Variants in PDE4D observed in about 807,000 individuals in gnomAD.
PDE4D encodes the protein phosphodiesterase 4D, also known as 3',5'-cyclic-AMP phosphodiesterase 4D.
Under a neutral mutation model 87.4 loss-of-function variants are expected in PDE4D, and 24 were observed. The ratio of observed to expected loss-of-function variants is 0.27; its 90% CI spans 0.20 to 0.39. The LOEUF (loss-of-function observed/expected upper bound fraction) is 0.39. PDE4D is among the 10% of genes least tolerant of loss of function. The pLI, the probability that PDE4D is intolerant of heterozygous loss-of-function variation, is 1.00. For synonymous variants in PDE4D, 384 were observed against 383.2 expected (o/e 1.00, Z -0.02); for missense variants, 714 against 1,041.0 (o/e 0.69, Z 4.32).
At position 59,018,674 on chromosome 5, in the gene PDE4D, C is replaced by T. The variant is rs561881859; in HGVS notation, c.921+20185G>A. ...TTTGGTGTACTAAGAAAACACATCA[C>T]GCAGATGGCTTTTATAGCTTCCCAA... On this transcript the variant is annotated intron_variant, in intron 6 of 14. Transcript: ENST00000340635. 8.5e-5 allele frequency among the ~76,000 whole-genome samples: 13 copies of T among 152,270 alleles called. No homozygotes were observed. In the South Asian group the frequency reaches 1.2e-3, roughly 15 times the overall value.
chr5:60,382,316 G>T (rs182084688), intron 1 of PDE4D, among the ~76,000 whole-genome samples: 3 of 151,944 alleles, frequency 2.0e-5, no homozygotes, highest in Admixed American at 6.6e-5. Context: ...GTTTATTTGC[G>T]GTTTTAGCTA....
intron 3 of PDE4D, among the ~76,000 whole-genome samples, chr5:59,190,428 A>G (rs1744056557): frequency 6.6e-6 from 1 of 152,022 alleles, no homozygotes; most frequent in African/African-American, 2.4e-5. Context: ...TTTAGTGTGA[A>G]ATTCCAATTT....
chr5:59,216,182 G>T (rs1751215574), intron 1 of PDE4D, among the ~76,000 whole-genome samples: 2 of 152,118 alleles, frequency 1.3e-5, no homozygotes. Context: ...GTTGTTAACT[G>T]ACCAGATACA....
chr5:59,686,872 G>A (rs1394343475), intron 1 of PDE4D, among the ~76,000 whole-genome samples: 2 of 152,142 alleles, frequency 1.3e-5, no homozygotes, highest in African/African-American at 4.8e-5. Flanking sequence ...GGATGGAATT[G>A]TCAAATCTTC....
At chr5:59,285,854 A>C (rs1423063020) in intron 1 of PDE4D, among the ~76,000 whole-genome samples, 1 of 152,160 alleles carries the variant, frequency 6.6e-6, no homozygotes, top group Non-Finnish European at 1.5e-5. Flanking sequence ...ACTGTCTATG[A>C]ATGAGATGGC....
At chr5:59,066,678 G>A (rs982707536) in intron 5 of PDE4D, among the ~76,000 whole-genome samples, 12 of 152,130 alleles carry the variant, frequency 7.9e-5, no homozygotes, top group Admixed American at 5.9e-4. Context: ...CTGAATGTTT[G>A]TGTCCCTCCC....
intron 1 of PDE4D, among the ~76,000 whole-genome samples, chr5:60,509,236 G>A (rs2150253656): frequency 6.6e-6 from 1 of 152,230 alleles, no homozygotes; most frequent in Admixed American, 6.5e-5. Flanking sequence ...AATCACCAGT[G>A]AAAAACACAA....
chr5:60,159,197 C>T (rs1022975654), intron 2 of PDE4D, among the ~76,000 whole-genome samples: 1 of 152,162 alleles, frequency 6.6e-6, no homozygotes, highest in African/African-American at 2.4e-5. Context: ...TCTTGTCCCA[C>T]TGGAAGGTCT....
intron 1 of PDE4D, among the ~76,000 whole-genome samples, chr5:59,395,076 G>T (rs1789099990): frequency 6.6e-6 from 1 of 152,156 alleles, no homozygotes; most frequent in Admixed American, 6.5e-5. Flanking sequence ...GGCTGGGAGG[G>T]TCCTACCCCA....
At chr5:59,687,928 G>A (rs1750193304) in intron 1 of PDE4D, among the ~76,000 whole-genome samples, 1 of 152,148 alleles carries the variant, frequency 6.6e-6, no homozygotes, top group African/African-American at 2.4e-5. Flanking sequence ...CCTAGTCTCT[G>A]ATAAAACAGA....
At chr5:60,349,489 C>T (rs1358986553) in intron 1 of PDE4D, among the ~76,000 whole-genome samples, 4 of 152,090 alleles carry the variant, frequency 2.6e-5, no homozygotes, top group East Asian at 1.9e-4. Context: ...ATTTAAAGAT[C>T]GAATCATGCC....
In PDE4D at chr5:60,396,339, T is replaced by G. The variant is rs187833786; in HGVS notation, c.-90+91603A>C. 1.9e-3 allele frequency among the ~76,000 whole-genome samples: 282 copies of G among 152,216 alleles called. 1 individual carries two copies. Among genetic ancestry groups the G allele is most frequent in the African/African-American group, 6.6e-3 (274 of 41,556 alleles). ...TATGAAGTCAGGAAGGTGAACTGGGTTGGGCTGCTGCCACCTGGGAAAGAC... is the reference window on the plus strand; with the variant it reads ...TATGAAGTCAGGAAGGTGAACTGGGGTGGGCTGCTGCCACCTGGGAAAGAC... On this transcript the variant is annotated intron_variant, in intron 1 of 16. Transcript: ENST00000502484.
intron 2 of PDE4D, among the ~76,000 whole-genome samples, chr5:59,199,991 C>T (rs1294182494): frequency 2.7e-5 from 4 of 150,818 alleles, no homozygotes; most frequent in Non-Finnish European, 4.4e-5. Flanking sequence ...TATACACATG[C>T]ATACATGCAT....
chr5:59,211,233 C>G (rs1750003545), intron 2 of PDE4D, among the ~76,000 whole-genome samples: 1 of 151,984 alleles, frequency 6.6e-6, no homozygotes, highest in African/African-American at 2.4e-5. Flanking sequence ...TCTTACTTTT[C>G]TTAAGAATTA....
chr5:59,746,103 A>G (rs1248708069), intron 1 of PDE4D, among the ~76,000 whole-genome samples: 2 of 152,212 alleles, frequency 1.3e-5, no homozygotes, highest in African/African-American at 2.4e-5. Context: ...ATTTTTTCAA[A>G]AATATTTTTC....
At chr5:59,726,994 T>G (rs1321761249) in intron 1 of PDE4D, among the ~76,000 whole-genome samples, 1 of 152,074 alleles carries the variant, frequency 6.6e-6, no homozygotes, top group Non-Finnish European at 1.5e-5. Flanking sequence ...TACATTCTTA[T>G]CTTAATTGAG....
intron 2 of PDE4D, among the ~76,000 whole-genome samples, chr5:60,017,451 A>T (rs1765633828): frequency 6.6e-6 from 1 of 151,808 alleles, no homozygotes; most frequent in Non-Finnish European, 1.5e-5. Flanking sequence ...TCCCTCCCCT[A>T]GCACCCCCTG....
intron 2 of PDE4D, among the ~76,000 whole-genome samples, chr5:59,998,399 A>G (rs1415725620): frequency 6.6e-6 from 1 of 152,220 alleles, no homozygotes; most frequent in African/African-American, 2.4e-5. Context: ...CCAGTTTTAA[A>G]GTAAAATATG....
intron 1 of PDE4D, among the ~76,000 whole-genome samples, chr5:60,373,494 G>T (rs1761196150): frequency 6.6e-6 from 1 of 152,136 alleles, no homozygotes; most frequent in African/African-American, 2.4e-5. Flanking sequence ...TTGCCTGAGA[G>T]TTGCAAACCA....
Sources: gnomAD v4.1 joint callset for allele counts (sites outside exome capture counted in the v4.1 genomes callset) on GRCh38, gnomAD v4.1.1 for gene constraint, MANE v1.5 for transcripts, NCBI Gene and HGNC (gene_info 2026-07-23, HGNC 2026-07-21) for gene names.